PIK3C2A: variants seen among roughly 807,000 people sequenced by gnomAD.
PIK3C2A encodes the protein phosphatidylinositol-4-phosphate 3-kinase catalytic subunit type 2 alpha.
In PIK3C2A, 97 loss-of-function variants were observed where a neutral mutation model predicts 204.5. That is an observed-to-expected ratio of 0.47 (90% CI 0.40 to 0.56). The LOEUF (loss-of-function observed/expected upper bound fraction) is 0.56. Ranked by LOEUF, PIK3C2A falls within the 20% of genes least tolerant of loss-of-function variation. PIK3C2A has a pLI of 0.00. For missense variants in PIK3C2A, 1,735 were observed against 1,969.2 expected (o/e 0.88, Z 2.25); for synonymous variants, 653 against 664.4 (o/e 0.98, Z 0.26).
At chr11:17,204,623 A>AT (rs1242638317) in intron 1 of PIK3C2A, among the ~76,000 whole-genome samples, 1 of 152,166 alleles carries the variant, frequency 6.6e-6, no homozygotes, top group Non-Finnish European at 1.5e-5. Flanking sequence ...TACTGTTATA[A>AT]AATGTACGTT....
chr11:17,147,629 C>T lies in PIK3C2A; in HGVS notation c.1449-1G>A, dbSNP rs1850284379. 6.7e-7 allele frequency: 1 copy of T among 1,483,914 alleles called. No homozygotes were observed. Among genetic ancestry groups the T allele is most frequent in the Non-Finnish European group, 9.4e-7 (1 of 1,062,462 alleles). The allele number at this position is 1,483,914 out of a possible 1,614,324, so 91.9% of individuals were successfully genotyped here. A position where few individuals can be genotyped will look rare whatever the true frequency, so the allele number is the denominator to read the frequency against. ...CTCATGACTTCCAAGGCAATGATTA[C>T]TGTTAAGATATATTAATTATTCACT... On this transcript the variant is annotated splice_acceptor_variant, in intron 5 of 32. Transcript: ENST00000691414. LOFTEE classifies it high-confidence loss of function.
At chr11:17,121,097 C>T (rs1352170341) in intron 15 of PIK3C2A, among the ~76,000 whole-genome samples, 6 of 151,912 alleles carry the variant, frequency 3.9e-5, no homozygotes, top group Admixed American at 3.9e-4. Context: ...TGGACATTTC[C>T]AATCAATTTT....
At chr11:17,092,103 A>T in intron 29 of PIK3C2A, 35 bp from the exon 30 acceptor site, 2 of 1,523,604 alleles carry the variant, frequency 1.3e-6, no homozygotes, top group Non-Finnish European at 1.8e-6. Flanking sequence ...ATTAGTTTAA[A>T]TATTATGTAA....
At chr11:17,149,182 T>C (rs1850350137) in intron 4 of PIK3C2A, among the ~76,000 whole-genome samples, 1 of 152,144 alleles carries the variant, frequency 6.6e-6, no homozygotes, top group South Asian at 2.1e-4. Flanking sequence ...TTGTATTAGG[T>C]ATTATAACTA....
At chr11:17,162,829 C>T (rs1335047217) in intron 2 of PIK3C2A, among the ~76,000 whole-genome samples, 1 of 152,174 alleles carries the variant, frequency 6.6e-6, no homozygotes, top group East Asian at 1.9e-4. Context: ...TTTCTCTTAA[C>T]ACAACCTGAG....
Position 17,092,165 on chromosome 11 carries a change from T to G in PIK3C2A, c.4563A>C (p.Val1521=). 2 of 1,570,438 alleles carry G rather than the reference T, an allele frequency of 1.3e-6. No individual in the cohort carries two copies. The highest frequency in any genetic ancestry group is 8.8e-7 in the Non-Finnish European group (1 of 1,140,232). Residue 1521 remains valine (V), a synonymous_variant, in exon 29 of 33, where the codon GTA becomes GTC. Transcript: ENST00000691414. ...LQSLMNASTD[V]AECDLVCTFF... is the part of the protein sequence containing the mutation. Reference sequence around the variant, plus strand: ...TCTCATTTAGTAAGGTTACCTCTGCTACATCCGTTGAAGCATTCATCAAAC... The same window carrying G: ...TCTCATTTAGTAAGGTTACCTCTGCGACATCCGTTGAAGCATTCATCAAAC...
intron 8 of PIK3C2A, among the ~76,000 whole-genome samples, chr11:17,139,207 C>G (rs1198387159): frequency 6.6e-6 from 1 of 151,576 alleles, no homozygotes; most frequent in Non-Finnish European, 1.5e-5. Context: ...GCCACCACGC[C>G]CGGCCTAATG....
chr11:17,117,590 T>G lies in PIK3C2A; in HGVS notation c.3117A>C (p.Gly1039=). ...HVLGALLSVG[G]KRLREELLKQ... ...TTAGAAGTTCTTCTCTAAGTCGTTTTCCTCCTACTGACAGGAGAGCACCCA... is the reference window on the plus strand; with the variant it reads ...TTAGAAGTTCTTCTCTAAGTCGTTTGCCTCCTACTGACAGGAGAGCACCCA... The change falls in exon 19 of 33, where the codon GGA becomes GGC. Residue 1039 remains glycine, a synonymous_variant. Coordinates refer to ENST00000691414, the MANE Select transcript of PIK3C2A (RefSeq NM_002645.4). 1.2e-6 allele frequency: 2 copies of G among 1,613,370 alleles called. No homozygotes were observed. Among genetic ancestry groups the G allele is most frequent in the Non-Finnish European group, 1.7e-6 (2 of 1,179,334 alleles).
chr11:17,201,035 G>A (rs192290025), intron 1 of PIK3C2A, among the ~76,000 whole-genome samples: 254 of 150,552 alleles, frequency 1.7e-3, no homozygotes, highest in Admixed American at 3.6e-3. Flanking sequence ...GTGAAATCCC[G>A]TCTCTACTAA....
At chr11:17,132,315 A>ATTTTTTTTTTTTTTTTTTTT (rs11307715) in intron 11 of PIK3C2A, among the ~76,000 whole-genome samples, 1 of 78,812 alleles carries the variant, frequency 1.3e-5, no homozygotes. Flanking sequence ...ATTAACTTTA[A>ATTTTTTTTTTTTTTTTTTTT]TTTTTTTTTT....
intron 2 of PIK3C2A, among the ~76,000 whole-genome samples, chr11:17,166,365 G>T (rs1415258114): frequency 6.6e-6 from 1 of 152,140 alleles, no homozygotes; most frequent in Non-Finnish European, 1.5e-5. Flanking sequence ...CCGAATCCCA[G>T]TCTTGGAGCT....
rs1190160477 is a variant in PIK3C2A, at chr11:17,117,605, G to A, written c.3102C>T (p.Leu1034=). ...STRYEHVLGA[L]LSVGGKRLRE... ...TAAGTCGTTTTCCTCCTACTGACAG[G>A]AGAGCACCCAAAACATGTTCGTATC... The change falls in exon 19 of 33, where the codon CTC becomes CTT. Residue 1034 remains leucine (L), a synonymous_variant. Transcript: ENST00000691414. The A allele has an allele frequency of 6.2e-7, 1 of 1,613,062 alleles. No homozygotes were observed. The highest frequency in any genetic ancestry group is 1.3e-5 in the African/African-American group (1 of 74,804).
intron 14 of PIK3C2A, 34 bp from the exon 15 acceptor site, chr11:17,122,367 G>A (rs374102319): frequency 1.0e-5 from 14 of 1,380,758 alleles, no homozygotes; most frequent in South Asian, 7.4e-5. Flanking sequence ...TCAAATTACA[G>A]TCTACGTATT....
chr11:17,099,980 A>G lies in PIK3C2A; in HGVS notation c.4009-11T>C. The G allele has an allele frequency of 1.5e-6, 2 of 1,315,668 alleles. No individual in the cohort carries two copies. Among genetic ancestry groups the G allele is most frequent in the Non-Finnish European group, 2.2e-6 (2 of 920,256 alleles). 81.5% of individuals were successfully genotyped at this position (1,315,668 alleles called of 1,614,324 possible). The stretch of plus-strand genomic sequence containing the variant: ...CCCTGAAGGAATCATCTGTAGAAGA[A>G]AACAAAAAGTTCTGTGAGTTAAATT... On this transcript the variant is annotated splice_polypyrimidine_tract_variant and intron_variant, in intron 25 of 32. Transcript: ENST00000691414.
chr11:17,183,934 T>G (rs2137533560), intron 1 of PIK3C2A, among the ~76,000 whole-genome samples: 1 of 142,300 alleles, frequency 7.0e-6, no homozygotes, highest in Admixed American at 7.0e-5. Flanking sequence ...GTGAGAACCC[T>G]CTTTAAAAAA....
rs374051917 is a variant in PIK3C2A at position 17,091,084 on chromosome 11, A to G, written c.4878+250T>C. Among the ~76,000 whole-genome samples the G allele has an allele frequency of 1.7e-4, 26 of 152,104 alleles. No individual in the cohort carries two copies. In the East Asian group the frequency reaches 3.1e-3, roughly 18 times the overall value. On this transcript the variant is annotated intron_variant, in intron 32 of 32. Transcript: ENST00000691414. ...AAAATTTAAAATCTCAAAACAATGGACACAGAGAAGGGGACAACACACACT... is the reference window on the plus strand; with the variant it reads ...AAAATTTAAAATCTCAAAACAATGGGCACAGAGAAGGGGACAACACACACT...
chr11:17,202,435 G>A (rs186456102), intron 1 of PIK3C2A, among the ~76,000 whole-genome samples: 8 of 151,834 alleles, frequency 5.3e-5, no homozygotes, highest in African/African-American at 1.9e-4. Context: ...TTAGCCAGGC[G>A]TGATGGCACG....
chr11:17,176,421 C>T (rs1258647745), intron 1 of PIK3C2A, among the ~76,000 whole-genome samples: 1 of 151,640 alleles, frequency 6.6e-6, no homozygotes, highest in African/African-American at 2.4e-5. Flanking sequence ...ACCAGACCAG[C>T]CTGGGCAACA....
rs1848477956 is a variant in PIK3C2A, at chr11:17,097,134, A to G, written c.4249T>C (p.Ser1417Pro). The change falls in exon 27 of 33, where the codon TCC becomes CCC. Residue 1417 changes from serine (S) to proline (P), a missense_variant. Ser to Pro is a moderately conservative substitution (Grantham distance 74). This residue lies in a region of PIK3C2A where 503 missense variants were observed against 669.0 expected (regional missense o/e 0.75). Coordinates refer to ENST00000691414, the MANE Select transcript of PIK3C2A (RefSeq NM_002645.4). Reference sequence around the variant, plus strand: ...TTGATTCGACCATCTTGTCTAAAGGAGTATGTTTTAGGTGAAAATGAAAGG... The same window carrying G: ...TTGATTCGACCATCTTGTCTAAAGGGGTATGTTTTAGGTGAAAATGAAAGG... ...PILSFSPKTY[S>P]FRQDGRIKEV... 6.2e-7 allele frequency: 1 copy of G among 1,610,020 alleles called. No individual in the cohort carries two copies. The highest frequency in any genetic ancestry group is 1.3e-5 in the African/African-American group (1 of 74,852).
Sources: gnomAD v4.1 joint callset for allele counts (sites outside exome capture counted in the v4.1 genomes callset) on GRCh38, gnomAD v4.1.1 for gene constraint, gnomAD v4.1.1 regional missense constraint, MANE v1.5 for transcripts, NCBI Gene and HGNC (gene_info 2026-07-23, HGNC 2026-07-21) for gene names.